The following IQCE variants were observed in gnomAD, a reference collection of about 807,000 sequenced individuals.
IQCE encodes the protein IQ motif containing E.
Under a neutral mutation model 96.0 loss-of-function variants are expected in IQCE, and 115 were observed. The ratio of observed to expected loss-of-function variants is 1.20; its 90% confidence interval spans 1.03 to 1.40. The LOEUF is 1.40. Among genes scored for constraint, IQCE ranks in the 40% most tolerant of loss-of-function variants. The probability of loss-of-function intolerance (pLI) is 0.00; values close to 1 mark genes in which losing one functional copy is unlikely to be tolerated. For missense variants in IQCE, 1,041 were observed against 909.1 expected (o/e 1.15, Z -1.87); for synonymous variants, 412 against 371.2 (o/e 1.11, Z -1.26).
At chr7:2,577,491 C>CGTGTGCGTGGCTGT (rs1172547802) in intron 6 of IQCE, among the ~76,000 whole-genome samples, 1 of 120,884 alleles carries the variant, frequency 8.3e-6, no homozygotes, top group African/African-American at 3.4e-5. Flanking sequence ...TACGCATTGG[C>CGTGTGCGTGGCTGT]GTGTGCGTGG....
chr7:2,601,307 C>G, intron 17 of IQCE, 134 bp from the exon 18 acceptor site: 1 of 677,516 alleles, frequency 1.5e-6, no homozygotes, highest in East Asian at 2.7e-5. Context: ...CCCGGCAGCT[C>G]GGGAGGGAGG....
chr7:2,603,459 T>C (rs1045365230), intron 18 of IQCE, among the ~76,000 whole-genome samples: 1 of 146,746 alleles, frequency 6.8e-6, no homozygotes, highest in Non-Finnish European at 1.5e-5. Flanking sequence ...GTGGGTGCCG[T>C]CTCCCCATCC....
In IQCE at chr7:2,578,263, G is replaced by A. The variant is rs368309936; in HGVS notation, c.487G>A (p.Asp163Asn). Residue 163 changes from aspartate (D) to asparagine (N), a missense_variant, in exon 7 of 22, where the codon GAC becomes AAC. Asp to Asn is a conservative substitution (Grantham distance 23). Transcript: ENST00000402050. ...LKKSLHVQKS[D>N]VDLMRTKLRR... ...TCAGTCATTGCACGTGCAGAAGAGC[G>A]ACGTGGACCTGATGAGAACGAAGCT... 7.4e-6 allele frequency: 12 copies of A among 1,613,660 alleles called. No individual in the cohort carries two copies. The highest frequency in any genetic ancestry group is 1.7e-4 in the Middle Eastern group (1 of 6,030).
chr7:2,606,845 G>C (rs910594275), intron 20 of IQCE, among the ~76,000 whole-genome samples: 1 of 152,162 alleles, frequency 6.6e-6, no homozygotes, highest in Non-Finnish European at 1.5e-5. Flanking sequence ...GACAGGGAAC[G>C]GAGCCGTCTG....
Position 2,586,586 on chromosome 7 carries a change from G to T in IQCE, c.988+215G>T, listed in dbSNP as rs7805277. Among the ~76,000 whole-genome samples, 1,437 of 152,382 alleles carry T rather than the reference G, an allele frequency of 9.4e-3. 31 individuals are homozygous for T. Among genetic ancestry groups the T allele is most frequent in the Middle Eastern group, 0.034 (10 of 294 alleles). ...CAGAAGCTCACAGACATCCCTGGAG[G>T]AGACAATGCTGTGGGAGGGAGAGAG... On this transcript the variant is annotated intron_variant, in intron 12 of 21. Transcript: ENST00000402050.
chr7:2,607,246 A>G lies in IQCE; in HGVS notation c.1969+19A>G. The G allele has an allele frequency of 8.1e-6, 13 of 1,613,320 alleles. No homozygotes were observed. Among genetic ancestry groups the G allele is most frequent in the Non-Finnish European group, 1.1e-5 (13 of 1,179,706 alleles). The stretch of plus-strand genomic sequence containing the variant: ...CTTCCTGGTAATTTCATTCATTTGG[A>G]TTCTGGCACCAGGGCAGCTGGTCTG... On this transcript the variant is annotated intron_variant, in intron 21 of 21. Transcript: ENST00000402050.
intron 6 of IQCE, among the ~76,000 whole-genome samples, chr7:2,577,063 T>A (rs1161645789): frequency 6.6e-6 from 1 of 152,138 alleles, no homozygotes; most frequent in Non-Finnish European, 1.5e-5. Flanking sequence ...CCCCACCCAC[T>A]AAATGCCAGG....
Position 2,613,326 on chromosome 7 carries a change from G to T in IQCE, c.*3164G>T. 6.6e-6 allele frequency: 1 copy of T among 152,494 alleles called. No individual in the cohort carries two copies. Among genetic ancestry groups the T allele is most frequent in the Non-Finnish European group, 1.5e-5 (1 of 68,178 alleles). 9.4% of individuals were successfully genotyped at this position (152,494 alleles called of 1,614,324 possible). On this transcript the variant is annotated 3_prime_UTR_variant, in exon 22 of 22. Transcript: ENST00000402050. ...GCCTGTCCCCAACTCCTCCCCTAGA[G>T]GCCTATTCCCGCTGCTCACAGACCT...
At chr7:2,598,763 C>G (rs1784241418) in intron 17 of IQCE, 131 bp downstream of exon 17, 3 of 769,880 alleles carry the variant, frequency 3.9e-6, no homozygotes, top group African/African-American at 1.8e-5. Context: ...CCGTAACATA[C>G]AGAAAATGAA....
chr7:2,564,955 C>T (rs1781251427), intron 1 of IQCE, among the ~76,000 whole-genome samples: 1 of 152,182 alleles, frequency 6.6e-6, no homozygotes, highest in Non-Finnish European at 1.5e-5. Flanking sequence ...TGTGAAACCA[C>T]CCCATTTCTT....
intron 1 of IQCE, among the ~76,000 whole-genome samples, chr7:2,561,477 G>A (rs906714338): frequency 6.7e-6 from 1 of 148,994 alleles, no homozygotes; most frequent in Admixed American, 6.7e-5. Context: ...CTGGAGTGCA[G>A]TGGCGCGATC....
chr7:2,579,803 G>T (rs889061463), intron 8 of IQCE, among the ~76,000 whole-genome samples: 1 of 151,712 alleles, frequency 6.6e-6, no homozygotes, highest in Admixed American at 6.6e-5. Context: ...GCGTGCAGTG[G>T]CAGGATCATG....
chr7:2,572,259 C>T lies in IQCE; in HGVS notation c.327C>T (p.Gly109=), dbSNP rs756295293. The T allele has an allele frequency of 1.2e-6, 2 of 1,614,172 alleles. No homozygotes were observed. The highest frequency in any genetic ancestry group is 2.2e-5 in the East Asian group (1 of 44,888). ...WEHAWTGVPG[G]TPDCLTDTFR... Reference sequence around the variant, plus strand: ...ATGCGTGGACTGGCGTCCCCGGCGGCACTCCTGACTGTCTGACAGACACCT... The same window carrying T: ...ATGCGTGGACTGGCGTCCCCGGCGGTACTCCTGACTGTCTGACAGACACCT... The change falls in exon 5 of 22, where the codon GGC becomes GGT. Residue 109 remains glycine, a synonymous_variant. Coordinates refer to ENST00000402050, the MANE Select transcript of IQCE (RefSeq NM_152558.5).
Position 2,599,416 on chromosome 7 carries a change from G to C in IQCE, c.1608+784G>C, listed in dbSNP as rs530627148. Reference sequence around the variant, plus strand: ...TCACCTTATTAGCCAGGCTGGTCTCGAACTCCTGGCCTCAGGTGATCCACC... The same window carrying C: ...TCACCTTATTAGCCAGGCTGGTCTCCAACTCCTGGCCTCAGGTGATCCACC... On this transcript the variant is annotated intron_variant, in intron 17 of 21. Transcript: ENST00000402050. Among the ~76,000 whole-genome samples, 3 of 152,228 alleles carry C rather than the reference G, an allele frequency of 2.0e-5. No homozygotes were observed. In the South Asian group the frequency reaches 6.2e-4, roughly 32 times the overall value.
chr7:2,606,564 A>G (rs371389255), intron 20 of IQCE, among the ~76,000 whole-genome samples: 1 of 152,114 alleles, frequency 6.6e-6, no homozygotes, highest in African/African-American at 2.4e-5. Flanking sequence ...TTCACCCCGC[A>G]TGGGGTTTGT....
In IQCE at chr7:2,605,008, G is replaced by A; in HGVS notation, c.1743+17G>A. The stretch of plus-strand genomic sequence containing the variant: ...CCAGACCAGGTAATGTCGGGGTGCT[G>A]GACGTCCCAGTGGCCATCTGCAGAG... On this transcript the variant is annotated intron_variant, in intron 19 of 21. Transcript: ENST00000402050. 1 of 1,559,832 alleles carries A rather than the reference G, an allele frequency of 6.4e-7. No individual in the cohort carries two copies. The highest frequency in any genetic ancestry group is 8.8e-7 in the Non-Finnish European group (1 of 1,132,120).
intron 14 of IQCE, 122 bp downstream of exon 14, chr7:2,590,228 C>CTCCAGG: frequency 5.8e-6 from 5 of 869,406 alleles, no homozygotes; most frequent in Non-Finnish European, 8.8e-6. Context: ...AGTAGGTCCT[C>CTCCAGG]CCCAGGCCCC....
At chr7:2,607,700 G>T (rs535186890) in intron 21 of IQCE, 26 of 296,778 alleles carry the variant, frequency 8.8e-5, no homozygotes, top group Admixed American at 1.2e-4. Flanking sequence ...TTCTCTGGCC[G>T]TCAGTCCCTT....
intron 14 of IQCE, among the ~76,000 whole-genome samples, chr7:2,591,869 G>T (rs1470782912): frequency 1.3e-5 from 2 of 152,160 alleles, no homozygotes; most frequent in Middle Eastern, 3.4e-3. Flanking sequence ...TGATCTGCCT[G>T]CCTCGACCTC....
Sources: gnomAD v4.1 joint callset for allele counts (sites outside exome capture counted in the v4.1 genomes callset) on GRCh38, gnomAD v4.1.1 for gene constraint, MANE v1.5 for transcripts, NCBI Gene and HGNC (gene_info 2026-07-23, HGNC 2026-07-21) for gene names.